Variants in EMP2 observed in about 807,000 individuals in gnomAD.
The protein encoded by EMP2 is epithelial membrane protein 2.
In EMP2, 19 loss-of-function variants were observed where a neutral mutation model predicts 13.7. The observed-to-expected ratio is 1.38, with a 90% CI of 0.97 to 2.03. The LOEUF is 2.03. EMP2 is among the 30% of genes most tolerant of loss of function. The pLI is 0.00. For missense variants in EMP2, 253 were observed against 220.7 expected (o/e 1.15, Z -0.93); for synonymous variants, 97 against 84.7 (o/e 1.15, Z -0.80).
chr16:10,534,232 A>G (rs1004697100), intron 4 of EMP2, among the ~76,000 whole-genome samples: 6 of 152,134 alleles, frequency 3.9e-5, no homozygotes, highest in Admixed American at 2.6e-4. Context: ...GCAGGATGAA[A>G]TATCTGGAGT....
At chr16:10,572,067 A>C (rs2050952200) in intron 1 of EMP2, among the ~76,000 whole-genome samples, 1 of 152,230 alleles carries the variant, frequency 6.6e-6, no homozygotes. Flanking sequence ...GATGATCTAA[A>C]TATATTCAAA....
intron 3 of EMP2, 53 bp from the exon 4 acceptor site, chr16:10,538,127 G>A: frequency 6.2e-7 from 1 of 1,601,532 alleles, no homozygotes. Context: ...AGCCGGCACT[G>A]TGGGGTACAC....
intron 4 of EMP2, among the ~76,000 whole-genome samples, chr16:10,536,444 T>C (rs1057271786): frequency 1.3e-5 from 2 of 152,124 alleles, no homozygotes; most frequent in Non-Finnish European, 2.9e-5. Context: ...ACTGTTCTTG[T>C]GGTAGTGAGT....
chr16:10,570,384 C>T (rs12925200), intron 1 of EMP2, among the ~76,000 whole-genome samples: 1 of 151,792 alleles, frequency 6.6e-6, no homozygotes, highest in Non-Finnish European at 1.5e-5. Context: ...CACCACCACA[C>T]CCAGCTAATG....
intron 1 of EMP2, among the ~76,000 whole-genome samples, chr16:10,564,589 C>T (rs1236573950): frequency 6.6e-6 from 1 of 151,864 alleles, no homozygotes; most frequent in Non-Finnish European, 1.5e-5. Flanking sequence ...CCACCTCCTA[C>T]CTCATTATCA....
intron 1 of EMP2, among the ~76,000 whole-genome samples, chr16:10,560,252 C>T (rs2050861934): frequency 6.6e-6 from 1 of 152,200 alleles, no homozygotes; most frequent in African/African-American, 2.4e-5. Flanking sequence ...ATCCTGGGAA[C>T]ATGCTTTGCA....
chr16:10,557,765 C>A (rs749583212), intron 1 of EMP2, among the ~76,000 whole-genome samples: 9 of 152,118 alleles, frequency 5.9e-5, no homozygotes, highest in Admixed American at 1.3e-4. Flanking sequence ...TAAAAATAAT[C>A]ACATAAAATA....
intron 1 of EMP2, among the ~76,000 whole-genome samples, chr16:10,557,547 C>G (rs1200615060): frequency 1.3e-5 from 2 of 152,112 alleles, no homozygotes; most frequent in African/African-American, 4.8e-5. Flanking sequence ...GAACTAAGCA[C>G]ATGTGGTAGA....
intron 1 of EMP2, among the ~76,000 whole-genome samples, chr16:10,553,890 C>G (rs774733640): frequency 9.2e-5 from 14 of 152,188 alleles, no homozygotes; most frequent in African/African-American, 1.4e-4. Context: ...ATAGTGAAGG[C>G]GTTGAAGCAA....
In EMP2 at chr16:10,534,867, C is replaced by A. The variant is rs73502065; in HGVS notation, c.317-1775G>T. 6.2e-3 allele frequency among the ~76,000 whole-genome samples: 938 copies of A among 152,362 alleles called. 5 individuals are homozygous for A. The highest frequency in any genetic ancestry group is 0.021 in the African/African-American group (879 of 41,570). On this transcript the variant is annotated intron_variant, in intron 4 of 4. Transcript: ENST00000359543. Reference sequence around the variant, plus strand: ...TTTCCTTGGGGGACCTATCTCTCTCCTGGCCAGGCAGTTTTGGTGGGACTA... The same window carrying A: ...TTTCCTTGGGGGACCTATCTCTCTCATGGCCAGGCAGTTTTGGTGGGACTA...
In EMP2 at chr16:10,531,345, T is replaced by A. The variant is rs983751053; in HGVS notation, c.*1560A>T. 1 of 152,928 alleles carries A rather than the reference T, an allele frequency of 6.5e-6. No homozygotes were observed. The highest frequency in any genetic ancestry group is 2.4e-5 in the African/African-American group (1 of 41,290). 9.5% of individuals were successfully genotyped at this position (152,928 alleles called of 1,614,324 possible). A position where few individuals can be genotyped will look rare whatever the true frequency, so the allele number is the denominator to read the frequency against. Reference sequence around the variant, plus strand: ...AATTAGTTTCTTTTCTTTTTTTTCTTTTTTTGAGATGGAGTCTCACTCTGT... The same window carrying A: ...AATTAGTTTCTTTTCTTTTTTTTCTATTTTTGAGATGGAGTCTCACTCTGT... On this transcript the variant is annotated 3_prime_UTR_variant, in exon 5 of 5. Coordinates refer to ENST00000359543, the MANE Select transcript of EMP2 (RefSeq NM_001424.6).
chr16:10,566,825 C>T (rs1369966713), intron 1 of EMP2, among the ~76,000 whole-genome samples: 3 of 152,146 alleles, frequency 2.0e-5, no homozygotes, highest in Admixed American at 6.5e-5. Context: ...AAGACATGGA[C>T]CACAAGGTGG....
chr16:10,549,005 A>G (rs2050761383), intron 1 of EMP2, among the ~76,000 whole-genome samples: 1 of 152,204 alleles, frequency 6.6e-6, no homozygotes, highest in Non-Finnish European at 1.5e-5. Context: ...ACTGCATGAC[A>G]TGGCCATTTC....
At chr16:10,535,714 C>A (rs1429550213) in intron 4 of EMP2, among the ~76,000 whole-genome samples, 1 of 152,156 alleles carries the variant, frequency 6.6e-6, no homozygotes, top group Admixed American at 6.5e-5. Context: ...CAAGTCCCCC[C>A]ACCCCAAGTT....
At chr16:10,533,157 G>GT in intron 4 of EMP2, 65 bp from the exon 5 acceptor site, 5 of 1,326,398 alleles carry the variant, frequency 3.8e-6, no homozygotes, top group Non-Finnish European at 4.9e-6. Context: ...GTAGCCCAGG[G>GT]GCATACGGCC....
rs767529848 is a variant in EMP2, at chr16:10,547,561, C to G, written c.57G>C (p.Leu19=). Residue 19 remains leucine (L), a synonymous_variant, in exon 2 of 5, where the codon CTG becomes CTC. Transcript: ENST00000359543. ...IAFHITSAAL[L]FIATVDNAWW... ...TTACATTGTCGACGGTGGCAATGAA[C>G]AGCAAGGCTGCAGAGGTGATGTGGA... 8.1e-6 allele frequency: 13 copies of G among 1,614,096 alleles called. No individual in the cohort carries two copies. In the East Asian group the frequency reaches 2.9e-4, roughly 36 times the overall value.
chr16:10,568,236 T>C (rs1039245015), intron 1 of EMP2, among the ~76,000 whole-genome samples: 1 of 152,284 alleles, frequency 6.6e-6, no homozygotes, highest in East Asian at 1.9e-4. Context: ...GTGATTCCAA[T>C]AAACAGCAAG....
chr16:10,548,743 C>T (rs1346193364), intron 1 of EMP2, among the ~76,000 whole-genome samples: 1 of 152,064 alleles, frequency 6.6e-6, no homozygotes, highest in African/African-American at 2.4e-5. Flanking sequence ...TAAATACCCA[C>T]TCAGACACCA....
At chr16:10,579,066 T>C (rs2051003865) in intron 1 of EMP2, among the ~76,000 whole-genome samples, 1 of 152,218 alleles carries the variant, frequency 6.6e-6, no homozygotes, top group Non-Finnish European at 1.5e-5. Flanking sequence ...CTCTAGCCTG[T>C]TTCCCCACTT....
Sources: gnomAD v4.1 joint callset for allele counts (sites outside exome capture counted in the v4.1 genomes callset) on GRCh38, gnomAD v4.1.1 for gene constraint, MANE v1.5 for transcripts, NCBI Gene and HGNC (gene_info 2026-07-23, HGNC 2026-07-21) for gene names.